NCAM1: variants seen among roughly 807,000 people sequenced by gnomAD.
NCAM1 encodes antigen recognized by monoclonal antibody 5.1H11.
NCAM1 carries 14 observed loss-of-function variants against 109.8 expected under a neutral mutation model. That is an observed-to-expected ratio of 0.13 (90% CI 0.08 to 0.20). The LOEUF is 0.20. Ranked by LOEUF, NCAM1 falls within the 10% of genes least tolerant of loss-of-function variation. The probability of loss-of-function intolerance (pLI) is 1.00; values close to 1 mark genes in which losing one functional copy is unlikely to be tolerated. For missense variants in NCAM1, 774 were observed against 1,109.9 expected (o/e 0.70, Z 4.30); for synonymous variants, 418 against 442.9 (o/e 0.94, Z 0.70).
intron 1 of NCAM1, among the ~76,000 whole-genome samples, chr11:112,993,026 C>T (rs1591223997): frequency 6.6e-6 from 1 of 152,150 alleles, no homozygotes; most frequent in South Asian, 2.1e-4. Context: ...ACAGGTCTGT[C>T]AGTATTTATG....
chr11:113,023,289 T>G (rs1952445542), intron 1 of NCAM1, among the ~76,000 whole-genome samples: 1 of 152,202 alleles, frequency 6.6e-6, no homozygotes, highest in South Asian at 2.1e-4. Flanking sequence ...ATTGAAACAT[T>G]GATTCCCTCT....
At chr11:113,080,355 G>A (rs12788868) in intron 1 of NCAM1, among the ~76,000 whole-genome samples, 1 of 152,114 alleles carries the variant, frequency 6.6e-6, no homozygotes, top group South Asian at 2.1e-4. Flanking sequence ...TGAAAATTTA[G>A]GTTCGCAAAG....
chr11:113,094,327 C>A lies in NCAM1; in HGVS notation c.53-108052C>A, dbSNP rs75093042. Among the ~76,000 whole-genome samples the A allele has an allele frequency of 1.2e-4, 18 of 152,274 alleles. No individual in the cohort carries two copies. In the East Asian group the frequency reaches 3.5e-3, roughly 29 times the overall value. Reference sequence around the variant, plus strand: ...TCAGAGTTAGACGATAGACATCAGGCTGATTTGTCAGAATCACTGTAGAGA... The same window carrying A: ...TCAGAGTTAGACGATAGACATCAGGATGATTTGTCAGAATCACTGTAGAGA... On this transcript the variant is annotated intron_variant, in intron 1 of 19. Transcript: ENST00000316851.
intron 1 of NCAM1, among the ~76,000 whole-genome samples, chr11:113,087,224 C>G (rs1037684634): frequency 2.0e-5 from 3 of 152,094 alleles, no homozygotes; most frequent in Admixed American, 6.6e-5. Flanking sequence ...TTTCACAGGC[C>G]GGAGGACTTT....
At chr11:113,167,278 C>T (rs1416758530) in intron 1 of NCAM1, among the ~76,000 whole-genome samples, 5 of 152,186 alleles carry the variant, frequency 3.3e-5, no homozygotes, top group African/African-American at 1.2e-4. Context: ...TTCTAAGCTT[C>T]ATCACTCCCA....
chr11:113,005,690 C>A (rs1247256698), intron 1 of NCAM1, among the ~76,000 whole-genome samples: 1 of 152,160 alleles, frequency 6.6e-6, no homozygotes, highest in Non-Finnish European at 1.5e-5. Context: ...GACCTGGCAA[C>A]CTATCTGCTC....
chr11:113,266,733 T>C (rs771052926), intron 17 of NCAM1, among the ~76,000 whole-genome samples: 1 of 152,164 alleles, frequency 6.6e-6, no homozygotes. Context: ...GTATTTGTCA[T>C]GCAAAAATAA....
chr11:113,275,351 C>T lies in NCAM1; in HGVS notation c.2541C>T (p.Asp847=), dbSNP rs369914244. 31 of 1,613,348 alleles carry T rather than the reference C, an allele frequency of 1.9e-5. No homozygotes were observed. Among genetic ancestry groups the T allele is most frequent in the Middle Eastern group, 1.6e-4 (1 of 6,062 alleles). Residue 847 remains aspartate (D), a synonymous_variant, in exon 20 of 20, where the codon GAC becomes GAT. Coordinates refer to ENST00000316851, the MANE Select transcript of NCAM1 (RefSeq NM_181351.5). The part of the protein sequence containing the change: ...APAEVKTVPN[D]ATQTKENESK... ...CCGAAGTCAAGACGGTCCCCAATGA[C>T]GCCACACAGACAAAGGAGAACGAGA... is the stretch of plus-strand genomic sequence containing the variant.
intron 1 of NCAM1, among the ~76,000 whole-genome samples, chr11:112,973,468 TA>T (rs1228809431): frequency 6.6e-6 from 1 of 152,152 alleles, no homozygotes; most frequent in Non-Finnish European, 1.5e-5. Context: ...TTTCTGAATT[TA>T]GTATCTCCTT....
At chr11:113,098,103 A>G (rs1555090782) in intron 1 of NCAM1, among the ~76,000 whole-genome samples, 2 of 152,362 alleles carry the variant, frequency 1.3e-5, no homozygotes, top group African/African-American at 4.8e-5. Flanking sequence ...CACTTAGGAT[A>G]CTAAGTGATC....
chr11:112,981,539 C>T (rs544001184), intron 1 of NCAM1, among the ~76,000 whole-genome samples: 2 of 151,942 alleles, frequency 1.3e-5, no homozygotes, highest in African/African-American at 4.8e-5. Context: ...ACCATAGATA[C>T]CCCATAGAAT....
intron 9 of NCAM1, among the ~76,000 whole-genome samples, chr11:113,223,215 C>T (rs549230845): frequency 6.6e-6 from 1 of 152,074 alleles, no homozygotes; most frequent in East Asian, 1.9e-4. Context: ...GGTGGCACAC[C>T]CTGAAGTTGT....
chr11:113,216,666 C>A (rs1555114440), intron 8 of NCAM1, among the ~76,000 whole-genome samples: 1 of 152,176 alleles, frequency 6.6e-6, no homozygotes, highest in East Asian at 1.9e-4. Flanking sequence ...TACTTGCCTT[C>A]AAGTTCACTT....
intron 1 of NCAM1, among the ~76,000 whole-genome samples, chr11:113,136,739 C>T (rs1941613929): frequency 6.6e-6 from 1 of 152,082 alleles, no homozygotes; most frequent in Non-Finnish European, 1.5e-5. Flanking sequence ...TAGGAAAATG[C>T]TAGCAGTGCA....
intron 1 of NCAM1, among the ~76,000 whole-genome samples, chr11:113,148,375 CT>C (rs1942098522): frequency 7.2e-6 from 1 of 139,740 alleles, no homozygotes; most frequent in African/African-American, 2.6e-5. Context: ...TTTTTTTTTC[CT>C]TTTTTTTCTT....
intron 1 of NCAM1, among the ~76,000 whole-genome samples, chr11:113,055,257 C>T (rs1006137828): frequency 6.6e-6 from 1 of 152,174 alleles, no homozygotes. Context: ...TAATAAGGCT[C>T]TGCCTCCTAG....
At chr11:112,996,086 G>A (rs1309738163) in intron 1 of NCAM1, among the ~76,000 whole-genome samples, 1 of 152,112 alleles carries the variant, frequency 6.6e-6, no homozygotes, top group Non-Finnish European at 1.5e-5. Context: ...AATCAATTTA[G>A]CAGAGAAAAG....
At chr11:113,094,328 T>C (rs1237350625) in intron 1 of NCAM1, among the ~76,000 whole-genome samples, 3 of 152,230 alleles carry the variant, frequency 2.0e-5, no homozygotes, top group Admixed American at 2.0e-4. Flanking sequence ...GACATCAGGC[T>C]GATTTGTCAG....
rs374931900 is a variant in NCAM1 at position 112,961,561 on chromosome 11, G to A, written c.-52G>A. ...GCCGTCCACACTCGCTGCAGGGGGG[G>A]GGGCACAGAATTTACCGCGGCAAGA... On this transcript the variant is annotated 5_prime_UTR_variant, in exon 1 of 20. Transcript: ENST00000316851. The A allele has an allele frequency of 6.4e-5, 74 of 1,158,328 alleles. 1 individual carries two copies. In the African/African-American group the frequency reaches 8.0e-4, roughly 13 times the overall value. 71.8% of individuals were successfully genotyped at this position (1,158,328 alleles called of 1,614,324 possible).
Sources: allele counts gnomAD v4.1 joint callset (sites outside exome capture counted in the v4.1 genomes callset), GRCh38; gene constraint gnomAD v4.1.1; transcripts MANE v1.5; gene names NCBI Gene and HGNC (gene_info 2026-07-23, HGNC 2026-07-21).